Variants in EPHA6 observed in about 807,000 individuals in gnomAD.
The protein encoded by EPHA6 is EPH receptor A6, also known as ephrin type-A receptor 6.
A neutral mutation model predicts 112.0 loss-of-function variants in EPHA6; 50 were observed. The observed-to-expected ratio is 0.45, with a 90% CI of 0.36 to 0.56. The LOEUF is 0.56. EPHA6 is among the 20% of genes least tolerant of loss of function. The pLI is 0.00. For missense variants in EPHA6, 1,280 were observed against 1,417.4 expected (o/e 0.90, Z 1.56); for synonymous variants, 529 against 490.7 (o/e 1.08, Z -1.03).
chr3:97,136,528 G>A (rs562219382), intron 3 of EPHA6, among the ~76,000 whole-genome samples: 73 of 151,972 alleles, frequency 4.8e-4, no homozygotes, highest in Non-Finnish European at 9.3e-4. Flanking sequence ...AGCAGCCTAG[G>A]CAACACAGTG....
chr3:97,466,348 G>T (rs905701678), intron 7 of EPHA6: 55 of 1,605,926 alleles, frequency 3.4e-5, no homozygotes, highest in Non-Finnish European at 4.3e-5. Context: ...ATAAAGTCCT[G>T]CATCGCCCTG....
At chr3:97,198,155 C>T (rs1458686180) in intron 3 of EPHA6, among the ~76,000 whole-genome samples, 1 of 152,040 alleles carries the variant, frequency 6.6e-6, no homozygotes, top group Non-Finnish European at 1.5e-5. Context: ...GATTTTTGTT[C>T]CTCCAAAGAT....
At chr3:97,492,142 T>G (rs1577563223) in intron 10 of EPHA6, among the ~76,000 whole-genome samples, 1 of 148,704 alleles carries the variant, frequency 6.7e-6, no homozygotes, top group Non-Finnish European at 1.5e-5. Flanking sequence ...CATTTGCTAT[T>G]TTGTCTCTAA....
chr3:97,118,726 C>G (rs553888364), intron 3 of EPHA6, among the ~76,000 whole-genome samples: 1 of 151,858 alleles, frequency 6.6e-6, no homozygotes, highest in South Asian at 2.1e-4. Flanking sequence ...GGGAAAATTA[C>G]TTAACTTCCC....
chr3:97,225,374 A>G (rs1045611708), intron 3 of EPHA6, among the ~76,000 whole-genome samples: 1 of 152,202 alleles, frequency 6.6e-6, no homozygotes, highest in African/African-American at 2.4e-5. Flanking sequence ...TTTATTGACT[A>G]TTTTGTGATA....
chr3:97,080,895 T>C (rs2046699394), intron 3 of EPHA6, among the ~76,000 whole-genome samples: 1 of 151,994 alleles, frequency 6.6e-6, no homozygotes, highest in Admixed American at 6.6e-5. Context: ...CATAGACATA[T>C]GCTTATATAC....
At chr3:97,691,940 T>C (rs2032698367) in intron 14 of EPHA6, among the ~76,000 whole-genome samples, 1 of 152,186 alleles carries the variant, frequency 6.6e-6, no homozygotes, top group African/African-American at 2.4e-5. Flanking sequence ...AGAAGAGCAG[T>C]CATGAAAGGA....
At position 97,406,641 on chromosome 3, in the gene EPHA6, G is replaced by T. The variant is rs143349808; in HGVS notation, c.1731+1367G>T. Among the ~76,000 whole-genome samples, 738 of 152,208 alleles carry T rather than the reference G, an allele frequency of 4.8e-3. 7 individuals are homozygous for T. The highest frequency in any genetic ancestry group is 0.017 in the African/African-American group (688 of 41,554). ...CAGAGTTAATCTAGGTTTGATAATG[G>T]GAGAGGTAACTTAGTAGCATAGCTG... On this transcript the variant is annotated intron_variant, in intron 6 of 17. Transcript: ENST00000389672.
At chr3:97,591,268 A>AACTTTTCT (rs2093541752) in intron 11 of EPHA6, among the ~76,000 whole-genome samples, 1 of 152,188 alleles carries the variant, frequency 6.6e-6, no homozygotes, top group Admixed American at 6.5e-5. Flanking sequence ...GAGAGATGTG[A>AACTTTTCT]ACTTTTCTTT....
chr3:96,957,743 C>T (rs1380974808), intron 2 of EPHA6, among the ~76,000 whole-genome samples: 1 of 152,166 alleles, frequency 6.6e-6, no homozygotes, highest in Non-Finnish European at 1.5e-5. Flanking sequence ...TCTAATGACC[C>T]ATGACCCACA....
intron 5 of EPHA6, among the ~76,000 whole-genome samples, chr3:97,319,622 A>T (rs2082005816): frequency 1.4e-5 from 2 of 146,606 alleles, no homozygotes; most frequent in African/African-American, 2.5e-5. Context: ...GTGAGCCCAG[A>T]TTGCCTCACT....
intron 3 of EPHA6, among the ~76,000 whole-genome samples, chr3:97,035,983 ATAAAAGAGGCTCC>A (rs2045077314): frequency 6.6e-6 from 1 of 151,988 alleles, no homozygotes; most frequent in Admixed American, 6.6e-5. Flanking sequence ...TAGTGCCCTC[ATAAAAGAGGCTCC>A]AGAATGCTTC....
At chr3:97,505,135 C>T (rs1035277822) in intron 10 of EPHA6, among the ~76,000 whole-genome samples, 1 of 152,116 alleles carries the variant, frequency 6.6e-6, no homozygotes, top group East Asian at 1.9e-4. Context: ...CTTGCTAAAT[C>T]AGTGACTTTA....
rs983349481 is a variant in EPHA6, at chr3:97,201,258, A to C, written c.1115-25006A>C. On this transcript the variant is annotated intron_variant, in intron 3 of 17. Coordinates refer to ENST00000389672, the MANE Select transcript of EPHA6 (RefSeq NM_001080448.3). Reference sequence around the variant, plus strand: ...GTTTCTCTAACGTGTCTTAACTTCAAATCACTGATGTATTTACTCACTAAA... The same window carrying C: ...GTTTCTCTAACGTGTCTTAACTTCACATCACTGATGTATTTACTCACTAAA... Among the ~76,000 whole-genome samples, 3 of 152,162 alleles carry C rather than the reference A, an allele frequency of 2.0e-5. No homozygotes were observed. In the South Asian group the frequency reaches 6.2e-4, roughly 31 times the overall value.
chr3:97,738,061 A>G (rs893907285), intron 16 of EPHA6, among the ~76,000 whole-genome samples: 5 of 152,106 alleles, frequency 3.3e-5, no homozygotes, highest in African/African-American at 7.2e-5. Flanking sequence ...TGCATACACA[A>G]CCTTTGGTAC....
At chr3:97,532,149 A>T (rs1193291889) in intron 10 of EPHA6, among the ~76,000 whole-genome samples, 1 of 152,114 alleles carries the variant, frequency 6.6e-6, no homozygotes, top group Non-Finnish European at 1.5e-5. Context: ...GATATAGCAC[A>T]TGAAAATGCA....
rs534341911 is a variant in EPHA6 at position 97,545,613 on chromosome 3, G to A, written c.2386+13070G>A. ...GTGCAGAGCTGAGTTCAATTCCTGG[G>A]TATCCTTGCTAACTTTCTGTCTCGT... On this transcript the variant is annotated intron_variant, in intron 11 of 17. Coordinates refer to ENST00000389672, the MANE Select transcript of EPHA6 (RefSeq NM_001080448.3). 6.9e-4 allele frequency among the ~76,000 whole-genome samples: 105 copies of A among 152,166 alleles called. 3 individuals are homozygous for A. In the South Asian group the frequency reaches 0.022, roughly 31 times the overall value.
intron 10 of EPHA6, among the ~76,000 whole-genome samples, chr3:97,499,339 A>G (rs2092061110): frequency 6.6e-6 from 1 of 152,176 alleles, no homozygotes; most frequent in South Asian, 2.1e-4. Context: ...TCATAACTTA[A>G]ACATTAAGAT....
At chr3:97,718,072 G>C (rs2034331445) in intron 14 of EPHA6, among the ~76,000 whole-genome samples, 1 of 152,182 alleles carries the variant, frequency 6.6e-6, no homozygotes, top group South Asian at 2.1e-4. Context: ...AGATGGGACT[G>C]CTGCCCTTGC....
Sources: gnomAD v4.1 joint callset for allele counts (sites outside exome capture counted in the v4.1 genomes callset) on GRCh38, gnomAD v4.1.1 for gene constraint, MANE v1.5 for transcripts, NCBI Gene and HGNC (gene_info 2026-07-23, HGNC 2026-07-21) for gene names.